Variants in ATRNL1 observed in about 807,000 individuals in gnomAD.
ATRNL1 encodes attractin like 1, also known as attractin-like protein 1.
A neutral mutation model predicts 182.7 loss-of-function variants in ATRNL1; 95 were observed. The ratio of observed to expected loss-of-function variants is 0.52; its 90% CI spans 0.44 to 0.62. The LOEUF (loss-of-function observed/expected upper bound fraction) is 0.62. ATRNL1 is among the 20% of genes least tolerant of loss of function. ATRNL1 has a pLI of 0.00. For missense variants in ATRNL1, 1,471 were observed against 1,679.5 expected, an observed-to-expected ratio of 0.88 and a Z score of 2.17; for synonymous variants, 576 against 568.3, an observed-to-expected ratio of 1.01 and a Z score of -0.19.
chr10:115,571,076 G>C (rs1854362220), intron 26 of ATRNL1, among the ~76,000 whole-genome samples: 1 of 152,230 alleles, frequency 6.6e-6, no homozygotes, highest in African/African-American at 2.4e-5. Flanking sequence ...AGCACAGGCT[G>C]TTGGCTAAGG....
intron 20 of ATRNL1, among the ~76,000 whole-genome samples, chr10:115,396,742 C>A (rs145568079): frequency 6.5e-4 from 99 of 151,938 alleles, no homozygotes; most frequent in Middle Eastern, 6.8e-3. Context: ...AGCCATATAA[C>A]TATCCATAAT....
intron 27 of ATRNL1, among the ~76,000 whole-genome samples, chr10:115,839,944 C>T (rs572030183): frequency 6.6e-6 from 1 of 152,134 alleles, no homozygotes; most frequent in African/African-American, 2.4e-5. Context: ...CTAACTTTCC[C>T]AATGGTTTAC....
chr10:115,205,744 A>G (rs1400046284), intron 8 of ATRNL1, among the ~76,000 whole-genome samples: 2 of 152,044 alleles, frequency 1.3e-5, no homozygotes, highest in Non-Finnish European at 2.9e-5. Context: ...ACCTCATTAC[A>G]GGTACCTTTA....
intron 27 of ATRNL1, among the ~76,000 whole-genome samples, chr10:115,771,922 C>T (rs905937821): frequency 3.3e-5 from 5 of 152,190 alleles, no homozygotes; most frequent in Admixed American, 6.5e-5. Flanking sequence ...ATGTTTTAGA[C>T]AGCTTAATGG....
At chr10:115,170,676 C>T (rs1180530935) in intron 7 of ATRNL1, among the ~76,000 whole-genome samples, 1 of 152,020 alleles carries the variant, frequency 6.6e-6, no homozygotes, top group Non-Finnish European at 1.5e-5. Flanking sequence ...AGGACTACCT[C>T]ACCCTTAAAT....
intron 16 of ATRNL1, among the ~76,000 whole-genome samples, chr10:115,300,470 G>T (rs1853417864): frequency 6.6e-6 from 1 of 152,088 alleles, no homozygotes; most frequent in Non-Finnish European, 1.5e-5. Flanking sequence ...TGAGATTGTG[G>T]TTGTAGTTAC....
At chr10:115,863,325 A>C (rs1951358681) in intron 28 of ATRNL1, among the ~76,000 whole-genome samples, 1 of 152,224 alleles carries the variant, frequency 6.6e-6, no homozygotes, top group African/African-American at 2.4e-5. Context: ...AAGTACCTTT[A>C]GAAAATGATT....
chr10:115,688,448 G>A (rs1255982483), intron 26 of ATRNL1, among the ~76,000 whole-genome samples: 5 of 152,012 alleles, frequency 3.3e-5, no homozygotes, highest in Non-Finnish European at 7.4e-5. Flanking sequence ...TGAGTTACCT[G>A]TTCTCTGCAT....
chr10:115,195,597 A>G (rs1554890852), intron 8 of ATRNL1, among the ~76,000 whole-genome samples: 1 of 152,054 alleles, frequency 6.6e-6, no homozygotes, highest in Admixed American at 6.6e-5. Context: ...TACTCAAATA[A>G]GTATTTGAGT....
chr10:115,924,228 G>A (rs1426878659), intron 28 of ATRNL1, among the ~76,000 whole-genome samples: 1 of 152,026 alleles, frequency 6.6e-6, no homozygotes, highest in Non-Finnish European at 1.5e-5. Flanking sequence ...AGTTTCTTTT[G>A]CTGTGCAGAA....
chr10:115,402,473 G>C (rs947622144), intron 20 of ATRNL1, among the ~76,000 whole-genome samples: 4 of 152,012 alleles, frequency 2.6e-5, no homozygotes, highest in Non-Finnish European at 5.9e-5. Flanking sequence ...AAAAATTAGT[G>C]TTTTCCCTTA....
At chr10:115,412,160 T>C (rs1435447647) in intron 20 of ATRNL1, among the ~76,000 whole-genome samples, 1 of 152,150 alleles carries the variant, frequency 6.6e-6, no homozygotes, top group African/African-American at 2.4e-5. Flanking sequence ...TGATTTTTTC[T>C]TTTGCTGGCT....
intron 26 of ATRNL1, among the ~76,000 whole-genome samples, chr10:115,661,798 T>A (rs1860703585): frequency 6.6e-6 from 1 of 152,136 alleles, no homozygotes; most frequent in Non-Finnish European, 1.5e-5. Context: ...TACTTTAAGT[T>A]TTAGAGTACA....
chr10:115,611,056 T>TTTTTTC (rs1555018850), intron 26 of ATRNL1, among the ~76,000 whole-genome samples: 2 of 151,152 alleles, frequency 1.3e-5, no homozygotes, highest in East Asian at 3.9e-4. Flanking sequence ...TCAAAGGACT[T>TTTTTTC]TTTTTTTTAC....
intron 27 of ATRNL1, among the ~76,000 whole-genome samples, chr10:115,768,222 A>G (rs1230969323): frequency 6.6e-6 from 1 of 152,142 alleles, no homozygotes; most frequent in Admixed American, 6.5e-5. Flanking sequence ...AGTAACATAT[A>G]TGTTGCTAAT....
chr10:115,546,535 C>CCA (rs1462726620), intron 25 of ATRNL1, among the ~76,000 whole-genome samples: 4 of 151,448 alleles, frequency 2.6e-5, no homozygotes, highest in Non-Finnish European at 4.4e-5. Flanking sequence ...CCACTGCACT[C>CCA]CAGCCTGGGC....
At chr10:115,715,254 G>T (rs1947211916) in intron 26 of ATRNL1, among the ~76,000 whole-genome samples, 1 of 152,184 alleles carries the variant, frequency 6.6e-6, no homozygotes, top group Non-Finnish European at 1.5e-5. Flanking sequence ...CAAGTTTTGG[G>T]TAAGTTTTGC....
chr10:115,276,659 G>A (rs1002837281), intron 13 of ATRNL1, among the ~76,000 whole-genome samples: 2 of 152,140 alleles, frequency 1.3e-5, no homozygotes, highest in South Asian at 4.1e-4. Context: ...TTTCATATAG[G>A]TCAAACAATG....
chr10:115,876,304 T>G (rs2134428491), intron 28 of ATRNL1, among the ~76,000 whole-genome samples: 1 of 152,366 alleles, frequency 6.6e-6, no homozygotes, highest in Non-Finnish European at 1.5e-5. Flanking sequence ...TCTTGGGGAT[T>G]GTGAAAGGCT....
Sources: allele counts gnomAD v4.1 joint callset (sites outside exome capture counted in the v4.1 genomes callset), GRCh38; gene constraint gnomAD v4.1.1; transcripts MANE v1.5; gene names NCBI Gene and HGNC (gene_info 2026-07-23, HGNC 2026-07-21).